DNM3: variants seen among roughly 807,000 people sequenced by gnomAD.
The protein encoded by DNM3 is dynamin 3.
A neutral mutation model predicts 101.6 loss-of-function variants in DNM3; 47 were observed. The observed-to-expected ratio is 0.46, with a 90% CI of 0.37 to 0.59. The LOEUF (loss-of-function observed/expected upper bound fraction) is 0.59. Ranked by LOEUF, DNM3 falls within the 20% of genes least tolerant of loss-of-function variation. The probability of loss-of-function intolerance (pLI) is 0.00; values close to 1 mark genes in which losing one functional copy is unlikely to be tolerated. For synonymous variants in DNM3, 385 were observed against 387.9 expected (o/e 0.99, Z 0.09); for missense variants, 849 against 1,085.7 (o/e 0.78, Z 3.06).
chr1:172,306,218 A>G (rs1357898258), intron 15 of DNM3, among the ~76,000 whole-genome samples: 2 of 152,236 alleles, frequency 1.3e-5, no homozygotes, highest in South Asian at 2.1e-4. Context: ...AAAAATCACA[A>G]GCATTCTTAT....
rs553806366 is a variant in DNM3 at position 171,921,496 on chromosome 1, A to G, written c.162-252A>G. The stretch of plus-strand genomic sequence containing the variant: ...GGGCAAACTTTTATCAGTTTCAGCT[A>G]GATGAATGAATGACATATTCCAGTG... On this transcript the variant is annotated intron_variant, in intron 1 of 20. Coordinates refer to ENST00000627582, the MANE Select transcript of DNM3 (RefSeq NM_015569.5). Among the ~76,000 whole-genome samples, 5 of 152,346 alleles carry G rather than the reference A, an allele frequency of 3.3e-5. No individual in the cohort carries two copies. In the South Asian group the frequency reaches 1.0e-3, roughly 32 times the overall value.
chr1:172,079,954 T>C (rs1423794044), intron 11 of DNM3, among the ~76,000 whole-genome samples: 1 of 152,222 alleles, frequency 6.6e-6, no homozygotes, highest in Non-Finnish European at 1.5e-5. Flanking sequence ...CAGCAGAGGC[T>C]GCAGAACAGC....
intron 1 of DNM3, among the ~76,000 whole-genome samples, chr1:171,875,195 T>G (rs1240647264): frequency 1.3e-5 from 2 of 152,214 alleles, no homozygotes; most frequent in Non-Finnish European, 2.9e-5. Context: ...AGTAATGGGA[T>G]TGCTGGGCCG....
chr1:172,140,759 C>G (rs77264026), intron 14 of DNM3, among the ~76,000 whole-genome samples: 1 of 151,738 alleles, frequency 6.6e-6, no homozygotes, highest in South Asian at 2.1e-4. Context: ...ATTCATAAGG[C>G]TTTTGGACAA....
chr1:171,911,184 G>A (rs760071053), intron 1 of DNM3, among the ~76,000 whole-genome samples: 17 of 150,756 alleles, frequency 1.1e-4, no homozygotes, highest in South Asian at 6.3e-4. Flanking sequence ...AACAGGATGT[G>A]ACCATGGTAG....
chr1:171,894,663 G>A (rs1416651152), intron 1 of DNM3, among the ~76,000 whole-genome samples: 1 of 152,110 alleles, frequency 6.6e-6, no homozygotes, highest in African/African-American at 2.4e-5. Context: ...GTATGCATGT[G>A]CCATGTTGGT....
At chr1:171,945,092 A>G (rs150402917) in intron 2 of DNM3, among the ~76,000 whole-genome samples, 20 of 150,498 alleles carry the variant, frequency 1.3e-4, no homozygotes, top group South Asian at 1.3e-3. Context: ...CTGGTCTAGA[A>G]CTCCTGGGCT....
intron 13 of DNM3, among the ~76,000 whole-genome samples, chr1:172,106,818 CTTA>C (rs975808126): frequency 1.2e-5 from 1 of 83,460 alleles, no homozygotes; most frequent in African/African-American, 4.1e-5. Context: ...AACGAATTTT[CTTA>C]TTATTCAATT....
chr1:172,179,752 G>C (rs1385595812), intron 14 of DNM3, among the ~76,000 whole-genome samples: 2 of 151,838 alleles, frequency 1.3e-5, no homozygotes, highest in African/African-American at 4.8e-5. Flanking sequence ...TAAGTACTGG[G>C]TGACTACTCT....
chr1:172,146,790 T>A (rs1298531757), intron 14 of DNM3, among the ~76,000 whole-genome samples: 1 of 152,170 alleles, frequency 6.6e-6, no homozygotes, highest in African/African-American at 2.4e-5. Context: ...TCTGCCCACT[T>A]TCATTTATGT....
At chr1:172,099,569 G>GA (rs76259299) in intron 13 of DNM3, among the ~76,000 whole-genome samples, 1,602 of 143,072 alleles carry the variant, frequency 0.011, 23 homozygotes, top group African/African-American at 0.034. Context: ...TTGTGCCCAG[G>GA]AAAAAAAAAA....
At chr1:171,866,022 C>T (rs1367501118) in intron 1 of DNM3, among the ~76,000 whole-genome samples, 2 of 152,096 alleles carry the variant, frequency 1.3e-5, no homozygotes, top group African/African-American at 2.4e-5. Flanking sequence ...CTTCATCTTT[C>T]CTTTCCCCAC....
chr1:172,219,377 C>CAAAAAAAAAA (rs58783160), intron 14 of DNM3, among the ~76,000 whole-genome samples: 1 of 56,300 alleles, frequency 1.8e-5, no homozygotes, highest in African/African-American at 7.6e-5. Context: ...TACCCTGTCT[C>CAAAAAAAAAA]AAAAAAAAAA....
chr1:172,098,803 G>A (rs965688374), intron 13 of DNM3, among the ~76,000 whole-genome samples: 7 of 152,152 alleles, frequency 4.6e-5, no homozygotes, highest in East Asian at 1.9e-4. Context: ...CTGACTTTCC[G>A]CAACAAGTGG....
intron 13 of DNM3, among the ~76,000 whole-genome samples, chr1:172,121,436 T>C (rs1478167248): frequency 1.3e-5 from 2 of 152,244 alleles, no homozygotes; most frequent in Non-Finnish European, 2.9e-5. Flanking sequence ...ATCAAGATAG[T>C]GCGGAAGCCT....
chr1:172,408,661 G>A lies in DNM3; in HGVS notation c.*820G>A. 1 of 984,918 alleles carries A rather than the reference G, an allele frequency of 1.0e-6. No homozygotes were observed. The highest frequency in any genetic ancestry group is 1.2e-6 in the Non-Finnish European group (1 of 829,570). The allele number at this position is 984,918 out of a possible 1,614,324, so 61.0% of individuals were successfully genotyped here. On this transcript the variant is annotated 3_prime_UTR_variant, in exon 21 of 21. Coordinates refer to ENST00000627582, the MANE Select transcript of DNM3 (RefSeq NM_015569.5). ...CACCTCATGGTAGGTTATATTGAAGGCTGACATGGAGAATGTTTACTTTTC... is the reference window on the plus strand; with the variant it reads ...CACCTCATGGTAGGTTATATTGAAGACTGACATGGAGAATGTTTACTTTTC...
At chr1:172,242,116 T>A (rs760830213) in intron 14 of DNM3, among the ~76,000 whole-genome samples, 11 of 152,140 alleles carry the variant, frequency 7.2e-5, no homozygotes, top group Non-Finnish European at 1.5e-4. Flanking sequence ...ATTGAACTCA[T>A]GGTGTACAGG....
At chr1:171,942,418 T>A (rs1184653513) in intron 2 of DNM3, among the ~76,000 whole-genome samples, 2 of 152,056 alleles carry the variant, frequency 1.3e-5, no homozygotes, top group Non-Finnish European at 1.5e-5. Context: ...GCAAAACTAA[T>A]ACATGTATTT....
chr1:172,274,729 T>TG (rs1438933784), intron 15 of DNM3, among the ~76,000 whole-genome samples: 1 of 108,768 alleles, frequency 9.2e-6, no homozygotes, highest in Non-Finnish European at 2.2e-5. Flanking sequence ...GAAGGTTTTT[T>TG]TTTTTTTTTT....
Sources: gnomAD v4.1 joint callset for allele counts (sites outside exome capture counted in the v4.1 genomes callset) on GRCh38, gnomAD v4.1.1 for gene constraint, MANE v1.5 for transcripts, NCBI Gene and HGNC (gene_info 2026-07-23, HGNC 2026-07-21) for gene names.